IL36B: variants seen among roughly 807,000 people sequenced by gnomAD.
The protein encoded by IL36B is interleukin-36 beta.
In IL36B, 23 loss-of-function variants were observed where a neutral mutation model predicts 19.3. The ratio of observed to expected loss-of-function variants is 1.19; its 90% CI spans 0.86 to 1.69. IL36B has a LOEUF of 1.69. Ranked by LOEUF, IL36B falls within the 40% of genes most tolerant of loss-of-function variation. The pLI is 0.00. For missense variants in IL36B, 217 were observed against 200.5 expected (o/e 1.08, Z -0.50); for synonymous variants, 59 against 59.7 (o/e 0.99, Z 0.05).
intron 1 of IL36B, among the ~76,000 whole-genome samples, chr2:113,043,174 G>A (rs1377207975): frequency 6.6e-6 from 1 of 151,906 alleles, no homozygotes; most frequent in African/African-American, 2.4e-5. Context: ...TTTATATACT[G>A]TGGATACAAG....
chr2:113,022,432 G>T lies in IL36B; in HGVS notation c.*242C>A. On this transcript the variant is annotated 3_prime_UTR_variant, in exon 6 of 6. Coordinates refer to ENST00000259213, the MANE Select transcript of IL36B (RefSeq NM_014438.5). ...ACAATTTTTTAAAAAACACTCTAAG[G>T]ACTGGACAAAACACATTTACAGGTT... is the stretch of plus-strand genomic sequence containing the variant. The T allele has an allele frequency of 2.9e-6, 1 of 339,036 alleles. No homozygotes were observed. The highest frequency in any genetic ancestry group is 5.4e-6 in the Non-Finnish European group (1 of 184,820). The allele number at this position is 339,036 out of a possible 1,614,324, so 21.0% of individuals were successfully genotyped here.
At chr2:113,046,488 G>A (rs1317559732) in intron 1 of IL36B, among the ~76,000 whole-genome samples, 4 of 152,124 alleles carry the variant, frequency 2.6e-5, no homozygotes, top group South Asian at 2.1e-4. Flanking sequence ...GATTACAGGC[G>A]TGAGCCACCG....
intron 2 of IL36B, 71 bp from the exon 3 acceptor site, chr2:113,031,226 A>T (rs1361564388): frequency 2.0e-6 from 2 of 1,010,310 alleles, no homozygotes; most frequent in Non-Finnish European, 3.1e-6. Context: ...GCATCCTGGT[A>T]TTAATGGCTT....
intron 1 of IL36B, among the ~76,000 whole-genome samples, chr2:113,041,923 T>C (rs1685263969): frequency 6.6e-6 from 1 of 152,174 alleles, no homozygotes; most frequent in South Asian, 2.1e-4. Context: ...TCTGGGATGA[T>C]GGTGACGAGG....
In IL36B at chr2:113,050,385, C is replaced by T. The variant is rs367782301; in HGVS notation, c.-58+2432G>A. ...ACCGTGTAATTCCACGTATATGAGG[C>T]GCCTAAAGCAGTCAAATTCATAGAG... On this transcript the variant is annotated intron_variant, in intron 1 of 5. Transcript: ENST00000259213. Among the ~76,000 whole-genome samples, 14 of 151,748 alleles carry T rather than the reference C, an allele frequency of 9.2e-5. No individual in the cohort carries two copies. The South Asian group carries it at 2.3e-3, about 25-fold the overall frequency.
intron 1 of IL36B, among the ~76,000 whole-genome samples, chr2:113,043,560 T>C (rs563508284): frequency 2.0e-4 from 31 of 152,148 alleles, no homozygotes; most frequent in Non-Finnish European, 3.8e-4. Flanking sequence ...CCACTGATTG[T>C]ATTTGTTGTT....
At chr2:113,039,385 C>G (rs1408339688) in intron 1 of IL36B, among the ~76,000 whole-genome samples, 2 of 152,214 alleles carry the variant, frequency 1.3e-5, no homozygotes, top group Non-Finnish European at 2.9e-5. Flanking sequence ...TGGCACAGTT[C>G]CCTGGCTTAA....
At chr2:113,042,591 A>G (rs771121327) in intron 1 of IL36B, among the ~76,000 whole-genome samples, 8 of 152,242 alleles carry the variant, frequency 5.3e-5, no homozygotes, top group Non-Finnish European at 8.8e-5. Flanking sequence ...CCCCCAGTAT[A>G]TAATTGATTT....
At chr2:113,046,590 T>C (rs534658574) in intron 1 of IL36B, among the ~76,000 whole-genome samples, 1 of 152,346 alleles carries the variant, frequency 6.6e-6, no homozygotes, top group East Asian at 1.9e-4. Context: ...CTCCTTAGAC[T>C]CCTCTTTGCT....
At chr2:113,044,966 C>G (rs1446064516) in intron 1 of IL36B, among the ~76,000 whole-genome samples, 1 of 152,000 alleles carries the variant, frequency 6.6e-6, no homozygotes, top group African/African-American at 2.4e-5. Context: ...TTCATTTCTC[C>G]CCTCCTAAAC....
intron 3 of IL36B, 137 bp from the exon 4 acceptor site, chr2:113,029,215 C>T (rs1685023770): frequency 1.2e-6 from 1 of 833,590 alleles, no homozygotes; most frequent in Admixed American, 2.9e-5. Context: ...CCTCCTCAAA[C>T]CTATTTTGTT....
At position 113,026,168 on chromosome 2, in the gene IL36B, C is replaced by T. The variant is rs749695919; in HGVS notation, c.326G>A (p.Cys109Tyr). The change falls in exon 5 of 6, where the codon TGC (cysteine) becomes TAC (tyrosine). Residue 109 changes from cysteine (C) to tyrosine (Y), a missense_variant. Transcript: ENST00000259213. Reference sequence around the variant, plus strand: ...GCTCTCTCTCACATCCAGGTTTATGCATGTGTGAATTCCAACTAGTTTCCA... The same window carrying T: ...GCTCTCTCTCACATCCAGGTTTATGTATGTGTGAATTCCAACTAGTTTCCA... The T allele has an allele frequency of 2.5e-6, 4 of 1,613,828 alleles. No individual in the cohort carries two copies. The highest frequency in any genetic ancestry group is 3.4e-6 in the Non-Finnish European group (4 of 1,179,854).
chr2:113,033,366 G>A (rs1685113874), intron 1 of IL36B, among the ~76,000 whole-genome samples: 2 of 152,142 alleles, frequency 1.3e-5, no homozygotes, highest in African/African-American at 4.8e-5. Flanking sequence ...CGAGTAGCTG[G>A]AACTACAGGC....
intron 1 of IL36B, among the ~76,000 whole-genome samples, chr2:113,044,258 A>ATATG (rs1396576890): frequency 7.6e-6 from 1 of 131,280 alleles, no homozygotes; most frequent in Non-Finnish European, 1.6e-5. Context: ...ATCTATATCT[A>ATATG]TATGTGTGTG....
At chr2:113,043,193 C>A (rs1685291900) in intron 1 of IL36B, among the ~76,000 whole-genome samples, 1 of 152,096 alleles carries the variant, frequency 6.6e-6, no homozygotes, top group Non-Finnish European at 1.5e-5. Flanking sequence ...AGTCCTTTCT[C>A]AGATATATAC....
At chr2:113,025,080 G>A (rs185865873) in intron 5 of IL36B, among the ~76,000 whole-genome samples, 5 of 152,236 alleles carry the variant, frequency 3.3e-5, no homozygotes, top group East Asian at 3.9e-4. Context: ...ACTGTGCACC[G>A]AGCCCTCCAA....
chr2:113,048,548 A>G lies in IL36B; in HGVS notation c.-58+4269T>C, dbSNP rs541958959. On this transcript the variant is annotated intron_variant, in intron 1 of 5. Transcript: ENST00000259213. ...ATGTTTAGAAAAGAAGAAAGACGTC[A>G]AATTAATAATTTGAGATTCCACCTG... Among the ~76,000 whole-genome samples the G allele has an allele frequency of 1.2e-4, 19 of 152,344 alleles. No homozygotes were observed. The East Asian group carries it at 3.7e-3, about 29-fold the overall frequency.
At chr2:113,028,719 A>G (rs1685011475) in intron 4 of IL36B, among the ~76,000 whole-genome samples, 3 of 152,192 alleles carry the variant, frequency 2.0e-5, no homozygotes, top group African/African-American at 4.8e-5. Flanking sequence ...CTGTAAGTGT[A>G]TTTTCTATCT....
At chr2:113,046,505 C>G (rs1194435957) in intron 1 of IL36B, among the ~76,000 whole-genome samples, 1 of 152,118 alleles carries the variant, frequency 6.6e-6, no homozygotes, top group Non-Finnish European at 1.5e-5. Context: ...ACCGCGCCTG[C>G]CCTCTTCAGT....
Sources: allele counts gnomAD v4.1 joint callset (sites outside exome capture counted in the v4.1 genomes callset), GRCh38; gene constraint gnomAD v4.1.1; transcripts MANE v1.5; gene names NCBI Gene and HGNC (gene_info 2026-07-23, HGNC 2026-07-21).